The following RBFOX1 variants were observed in gnomAD, a reference collection of about 807,000 sequenced individuals.
RBFOX1 encodes the protein RNA binding protein fox-1 homolog 1.
Under a neutral mutation model 57.7 loss-of-function variants are expected in RBFOX1, and 8 were observed. That is an observed-to-expected ratio of 0.14 (90% CI 0.08 to 0.25). The LOEUF (loss-of-function observed/expected upper bound fraction) is 0.25. Ranked by LOEUF, RBFOX1 falls within the 10% of genes least tolerant of loss-of-function variation. The probability of loss-of-function intolerance (pLI) is 1.00; values close to 1 mark genes in which losing one functional copy is unlikely to be tolerated. For synonymous variants in RBFOX1, 326 were observed against 222.4 expected, an observed-to-expected ratio of 1.47 and a Z score of -4.15; for missense variants, 611 against 548.5, an observed-to-expected ratio of 1.11 and a Z score of -1.14.
intron 4 of RBFOX1, among the ~76,000 whole-genome samples, chr16:7,440,902 G>C (rs1230090124): frequency 6.6e-6 from 1 of 152,114 alleles, no homozygotes; most frequent in Non-Finnish European, 1.5e-5. Context: ...AGCCTGGCAT[G>C]GTTGTGCACA....
chr16:7,624,021 G>A (rs1383113387), intron 10 of RBFOX1, among the ~76,000 whole-genome samples: 2 of 152,194 alleles, frequency 1.3e-5, no homozygotes, highest in Admixed American at 6.5e-5. Flanking sequence ...TCGATGAAAT[G>A]AGTGACAGTG....
At chr16:5,656,814 G>A (rs947394051) in intron 3 of RBFOX1, among the ~76,000 whole-genome samples, 1 of 152,098 alleles carries the variant, frequency 6.6e-6, no homozygotes, top group African/African-American at 2.4e-5. Context: ...GGGCGTTTGG[G>A]TTGGAATAAA....
intron 3 of RBFOX1, among the ~76,000 whole-genome samples, chr16:5,822,913 G>C (rs966418243): frequency 1.3e-4 from 20 of 152,234 alleles, no homozygotes; most frequent in Non-Finnish European, 2.5e-4. Flanking sequence ...TTGCCAGGCT[G>C]TGGGCTTAGA....
intron 4 of RBFOX1, among the ~76,000 whole-genome samples, chr16:7,273,998 G>A (rs1317185562): frequency 6.6e-6 from 1 of 152,098 alleles, no homozygotes; most frequent in Non-Finnish European, 1.5e-5. Context: ...GTGGTTGAAG[G>A]ACCCTCCTTT....
At chr16:5,790,802 A>G (rs899543962) in intron 3 of RBFOX1, among the ~76,000 whole-genome samples, 1 of 151,390 alleles carries the variant, frequency 6.6e-6, no homozygotes, top group Non-Finnish European at 1.5e-5. Flanking sequence ...TTCCAGAGTC[A>G]CTGCTGCTGC....
At chr16:7,267,698 TACAAAAA>T (rs1368995012) in intron 4 of RBFOX1, among the ~76,000 whole-genome samples, 2 of 151,926 alleles carry the variant, frequency 1.3e-5, no homozygotes, top group African/African-American at 4.8e-5. Context: ...TTACTAAAAA[TACAAAAA>T]ATTAACTGGT....
intron 2 of RBFOX1, among the ~76,000 whole-genome samples, chr16:6,392,328 T>G (rs1044435709): frequency 6.6e-6 from 1 of 152,188 alleles, no homozygotes; most frequent in African/African-American, 2.4e-5. Flanking sequence ...ATTTACACGG[T>G]TTTTCTAGGT....
chr16:6,578,176 G>A (rs1182372302), intron 2 of RBFOX1, among the ~76,000 whole-genome samples: 1 of 152,202 alleles, frequency 6.6e-6, no homozygotes, highest in East Asian at 1.9e-4. Flanking sequence ...ACATCAGATA[G>A]CACTTTACAT....
chr16:6,167,384 A>G (rs1221647505), intron 1 of RBFOX1, among the ~76,000 whole-genome samples: 1 of 152,182 alleles, frequency 6.6e-6, no homozygotes, highest in Non-Finnish European at 1.5e-5. Flanking sequence ...AGCTGAGAGC[A>G]CTTACCTGGT....
chr16:7,702,797 A>T (rs2081194626), intron 14 of RBFOX1, among the ~76,000 whole-genome samples: 1 of 152,224 alleles, frequency 6.6e-6, no homozygotes, highest in African/African-American at 2.4e-5. Context: ...CTCATTGGTA[A>T]TGATACCAGC....
chr16:6,503,415 T>G (rs1295588406), intron 2 of RBFOX1, among the ~76,000 whole-genome samples: 4 of 152,170 alleles, frequency 2.6e-5, no homozygotes, highest in Non-Finnish European at 5.9e-5. Context: ...TTTCGTGGCT[T>G]AAAAAAATCA....
intron 4 of RBFOX1, among the ~76,000 whole-genome samples, chr16:7,362,880 G>T (rs897377149): frequency 7.2e-5 from 11 of 152,192 alleles, no homozygotes; most frequent in African/African-American, 2.7e-4. Context: ...GAGTCCAGAT[G>T]TGAGAGTCAG....
intron 2 of RBFOX1, among the ~76,000 whole-genome samples, chr16:6,375,125 C>T (rs1266111043): frequency 6.6e-6 from 1 of 152,074 alleles, no homozygotes; most frequent in African/African-American, 2.4e-5. Flanking sequence ...GAAATCATTT[C>T]CTTAGGGGAG....
At chr16:7,325,566 C>T (rs1391826317) in intron 4 of RBFOX1, among the ~76,000 whole-genome samples, 1 of 152,166 alleles carries the variant, frequency 6.6e-6, no homozygotes, top group Non-Finnish European at 1.5e-5. Context: ...AAAGCAGTCT[C>T]TAAGTGGGGA....
chr16:6,281,012 T>C (rs1422414586), intron 1 of RBFOX1, among the ~76,000 whole-genome samples: 1 of 151,986 alleles, frequency 6.6e-6, no homozygotes, highest in Non-Finnish European at 1.5e-5. Context: ...TGTATATATA[T>C]ATGTATTACA....
intron 3 of RBFOX1, among the ~76,000 whole-genome samples, chr16:6,694,807 A>T (rs2060773768): frequency 6.6e-6 from 1 of 152,118 alleles, no homozygotes; most frequent in South Asian, 2.1e-4. Flanking sequence ...TGCATCAGTC[A>T]CTGTGACGGA....
upstream of RBFOX1, among the ~76,000 whole-genome samples, chr16:6,016,681 A>T (rs550738778): frequency 1.3e-5 from 2 of 152,314 alleles, no homozygotes; most frequent in East Asian, 3.9e-4. Flanking sequence ...TTTCATGTCC[A>T]GTAGGAGGAG....
chr16:6,596,703 C>G (rs1410328206), intron 2 of RBFOX1, among the ~76,000 whole-genome samples: 1 of 152,092 alleles, frequency 6.6e-6, no homozygotes, highest in Non-Finnish European at 1.5e-5. Context: ...TTGATTCTAC[C>G]AAGTCTTTTG....
chr16:5,395,748 C>A (rs2066534715), intron 1 of RBFOX1, among the ~76,000 whole-genome samples: 1 of 152,166 alleles, frequency 6.6e-6, no homozygotes, highest in Non-Finnish European at 1.5e-5. Flanking sequence ...CTCCATCTTC[C>A]CAGCAGACTC....
Sources: gnomAD v4.1 joint callset for allele counts (sites outside exome capture counted in the v4.1 genomes callset) on GRCh38, gnomAD v4.1.1 for gene constraint, MANE v1.5 for transcripts, NCBI Gene and HGNC (gene_info 2026-07-23, HGNC 2026-07-21) for gene names.